Variants in HSP90B1 observed in about 807,000 individuals in gnomAD.
HSP90B1 encodes the protein endoplasmin.
HSP90B1 carries 27 observed loss-of-function variants against 100.4 expected under a neutral mutation model. The ratio of observed to expected loss-of-function variants is 0.27; its 90% confidence interval spans 0.20 to 0.37. HSP90B1 has a LOEUF of 0.37. Among genes scored for constraint, HSP90B1 ranks in the 10% least tolerant of loss-of-function variants. The pLI is 1.00. For synonymous variants in HSP90B1, 304 were observed against 330.8 expected (o/e 0.92, Z 0.88); for missense variants, 678 against 960.5 (o/e 0.71, Z 3.89).
rs756449049 is a variant in HSP90B1, at chr12:103,930,498, A to G, written c.-18A>G. The G allele has an allele frequency of 6.3e-6, 10 of 1,598,840 alleles. No individual in the cohort carries two copies. Among genetic ancestry groups the G allele is most frequent in the Non-Finnish European group, 8.5e-6 (10 of 1,172,874 alleles). On this transcript the variant is annotated 5_prime_UTR_variant, in exon 1 of 18. Coordinates refer to ENST00000299767, the MANE Select transcript of HSP90B1 (RefSeq NM_003299.3). The surrounding 1 kb of genome is among the most constrained non-coding windows in gnomAD (Gnocchi z 4.4). The stretch of plus-strand genomic sequence containing the variant: ...CTCCTGCGATCGAAGGGGACTTGAG[A>G]CTCACCGGCCGCACGCCATGAGGGC...
In HSP90B1 at chr12:103,937,699, G is replaced by A. The variant is rs1193775773; in HGVS notation, c.748G>A (p.Val250Ile). ...TLGRGTTITL[V>I]LKEEASDYLE... is the part of the protein sequence containing the mutation. ...AACATCGAATTTTTCTTGCAGCCTT[G>A]TCTTAAAAGAAGAAGCATCTGATTA... The change falls in exon 6 of 18, where the codon GTC (valine) becomes ATC (isoleucine). Residue 250 changes from valine to isoleucine, a missense_variant. Physicochemically the swap from Val to Ile is conservative, Grantham distance 29. Coordinates refer to ENST00000299767, the MANE Select transcript of HSP90B1 (RefSeq NM_003299.3). The A allele has an allele frequency of 1.3e-6, 2 of 1,540,138 alleles. No individual in the cohort carries two copies. Among genetic ancestry groups the A allele is most frequent in the Non-Finnish European group, 1.8e-6 (2 of 1,115,370 alleles).
At position 103,930,611 on chromosome 12, in the gene HSP90B1, C is replaced by A. The variant is rs1243307517; in HGVS notation, c.49+47C>A. The A allele has an allele frequency of 6.4e-7, 1 of 1,569,800 alleles. No individual in the cohort carries two copies. Among genetic ancestry groups the A allele is most frequent in the Non-Finnish European group, 8.6e-7 (1 of 1,156,728 alleles). ...GACGTCCCCCCTCCACACACGCGGC[C>A]GCTTCTCGAAGGTCCTGGGGGCGTT... On this transcript the variant is annotated intron_variant, in intron 1 of 17. Coordinates refer to ENST00000299767, the MANE Select transcript of HSP90B1 (RefSeq NM_003299.3). This position sits in a 1 kb window ranked among gnomAD's most constrained non-coding sequence, Gnocchi z 4.4.
At chr12:103,934,328 T>A in intron 5 of HSP90B1, 41 bp downstream of exon 5, 1 of 1,458,220 alleles carries the variant, frequency 6.9e-7, no homozygotes, top group Non-Finnish European at 9.5e-7. Flanking sequence ...ATAGTCATGG[T>A]GAGGATCTTG....
intron 14 of HSP90B1, among the ~76,000 whole-genome samples, chr12:103,944,914 A>G (rs544311048): frequency 6.6e-6 from 1 of 152,344 alleles, no homozygotes; most frequent in Admixed American, 6.5e-5. Context: ...TCACAATTCT[A>G]AAATTCCATA....
chr12:103,942,864 A>AG (rs1489824302), intron 12 of HSP90B1, 68 bp downstream of exon 12: 3 of 1,563,832 alleles, frequency 1.9e-6, no homozygotes, highest in African/African-American at 2.7e-5. Context: ...CCAACTCTTG[A>AG]GGGGGAGAAA....
At chr12:103,934,696 A>G (rs1276082790) in intron 5 of HSP90B1, among the ~76,000 whole-genome samples, 3 of 152,082 alleles carry the variant, frequency 2.0e-5, no homozygotes, top group African/African-American at 7.2e-5. Context: ...AATGTGATGA[A>G]CTTTTATTTA....
chr12:103,931,916 G>T, intron 2 of HSP90B1: 1 of 445,712 alleles, frequency 2.2e-6, no homozygotes, highest in South Asian at 2.1e-5. Flanking sequence ...CACCGAGTAA[G>T]TTTAAAAATG....
chr12:103,934,627 T>C (rs1869858528), intron 5 of HSP90B1, among the ~76,000 whole-genome samples: 1 of 152,212 alleles, frequency 6.6e-6, no homozygotes, highest in Non-Finnish European at 1.5e-5. Flanking sequence ...AATAAAGGCA[T>C]GGAGGCATAG....
chr12:103,942,917 T>A (rs1427676183), intron 12 of HSP90B1, 121 bp downstream of exon 12: 3 of 1,421,358 alleles, frequency 2.1e-6, no homozygotes, highest in Non-Finnish European at 2.9e-6. Context: ...TAAGGCCTGG[T>A]CAGTCACTGA....
At chr12:103,936,743 A>C (rs1055091064) in intron 5 of HSP90B1, among the ~76,000 whole-genome samples, 4 of 152,020 alleles carry the variant, frequency 2.6e-5, no homozygotes, top group African/African-American at 9.7e-5. Context: ...CATGTGTTTA[A>C]TTGCCTTTTA....
chr12:103,942,857 A>G (rs1187963964), intron 12 of HSP90B1, 61 bp downstream of exon 12: 3 of 1,577,430 alleles, frequency 1.9e-6, no homozygotes, highest in Non-Finnish European at 2.6e-6. Flanking sequence ...TTTATAGCCA[A>G]CTCTTGAGGG....
At chr12:103,939,359 TCC>T in intron 7 of HSP90B1, 148 bp from the exon 8 acceptor site, 4 of 361,104 alleles carry the variant, frequency 1.1e-5, no homozygotes, top group South Asian at 5.3e-5. Context: ...TACCCTAACC[TCC>T]CAAAGTGCTA....
At position 103,930,900 on chromosome 12, in the gene HSP90B1, C is replaced by T. The variant is rs2136211701; in HGVS notation, c.49+336C>T. Among the ~76,000 whole-genome samples, 1 of 150,964 alleles carries T rather than the reference C, an allele frequency of 6.6e-6. No homozygotes were observed. Among genetic ancestry groups the T allele is most frequent in the South Asian group, 2.1e-4 (1 of 4,732 alleles). On this transcript the variant is annotated intron_variant, in intron 1 of 17. Transcript: ENST00000299767. The surrounding 1 kb of genome is among the most constrained non-coding windows in gnomAD (Gnocchi z 4.4). Reference sequence around the variant, plus strand: ...CCCGCCCGGAGGACTTTTTCGGCCACCGCAACCTTCGGCCATCCCAGCTTT... The same window carrying T: ...CCCGCCCGGAGGACTTTTTCGGCCATCGCAACCTTCGGCCATCCCAGCTTT...
chr12:103,932,469 T>C (rs779941076), intron 3 of HSP90B1, 51 bp downstream of exon 3: 11 of 1,500,624 alleles, frequency 7.3e-6, no homozygotes, highest in Non-Finnish European at 9.0e-6. Flanking sequence ...GGCATACTTG[T>C]TTACTTAAAT....
intron 7 of HSP90B1, chr12:103,938,712 A>G (rs561939877): frequency 1.5e-5 from 3 of 206,020 alleles, no homozygotes; most frequent in Non-Finnish European, 2.9e-5. Flanking sequence ...CTGGTGGCTT[A>G]TATGTTTGGA....
Position 103,947,320 on chromosome 12 carries a change from G to A in HSP90B1, c.2272G>A (p.Glu758Lys). Reference sequence around the variant, plus strand: ...TAAATGTTGTGTTTAGGTGGAAGAAGAGCCCGAAGAAGAACCTGAAGAGAC... The same window carrying A: ...TAAATGTTGTGTTTAGGTGGAAGAAAAGCCCGAAGAAGAACCTGAAGAGAC... ...NIDPDAKVEE[E>K]PEEEPEETAE... Residue 758 changes from glutamate (E) to lysine (K), a missense_variant, in exon 17 of 18, where the codon GAG (glutamate) becomes AAG (lysine). Coordinates refer to ENST00000299767, the MANE Select transcript of HSP90B1 (RefSeq NM_003299.3). The A allele has an allele frequency of 6.3e-7, 1 of 1,596,182 alleles. No individual in the cohort carries two copies. The highest frequency in any genetic ancestry group is 1.7e-4 in the Middle Eastern group (1 of 5,954).
chr12:103,947,425 G>T lies in HSP90B1; in HGVS notation c.2377G>T (p.Ala793Ser). The change falls in exon 17 of 18, where the codon GCA (alanine) becomes TCA (serine). Residue 793 changes from alanine (A) to serine (S), a missense_variant. Transcript: ENST00000299767. Reference sequence around the variant, plus strand: ...GGGAACAGATGAAGAAGAAGAAACAGCAAAGGTATGGCAAATCAAGAATGT... The same window carrying T: ...GGGAACAGATGAAGAAGAAGAAACATCAAAGGTATGGCAAATCAAGAATGT... The part of the protein sequence containing the change: ...DVGTDEEEET[A>S]KESTAEKDEL The T allele has an allele frequency of 1.9e-6, 3 of 1,613,908 alleles. No homozygotes were observed. The highest frequency in any genetic ancestry group is 2.5e-6 in the Non-Finnish European group (3 of 1,179,884).
chr12:103,946,970 C>T (rs1311417432), intron 16 of HSP90B1, 29 bp downstream of exon 16: 2 of 1,593,842 alleles, frequency 1.3e-6, no homozygotes, highest in African/African-American at 2.7e-5. Context: ...CCCGCAAAGG[C>T]TGGCTGGCTT....
intron 9 of HSP90B1, 25 bp from the exon 10 acceptor site, chr12:103,941,604 A>C (rs1216311060): frequency 1.2e-6 from 2 of 1,613,878 alleles, no homozygotes; most frequent in Admixed American, 1.7e-5. Flanking sequence ...ATTTCCAGAA[A>C]GTGACTTTTT....
Sources: gnomAD v4.1 joint callset for allele counts (sites outside exome capture counted in the v4.1 genomes callset) on GRCh38, gnomAD v4.1.1 for gene constraint, Gnocchi (gnomAD v3.1) non-coding constraint, MANE v1.5 for transcripts, NCBI Gene and HGNC (gene_info 2026-07-23, HGNC 2026-07-21) for gene names.